The following RTN4 variants were observed in gnomAD, a reference collection of about 807,000 sequenced individuals.
RTN4 encodes reticulon-4.
A neutral mutation model predicts 90.4 loss-of-function variants in RTN4; 32 were observed. The ratio of observed to expected loss-of-function variants is 0.35; its 90% confidence interval spans 0.27 to 0.48. The LOEUF is 0.48. Ranked by LOEUF, RTN4 falls within the 20% of genes least tolerant of loss-of-function variation. RTN4 has a pLI of 0.99. For synonymous variants in RTN4, 629 were observed against 552.5 expected, an observed-to-expected ratio of 1.14 and a Z score of -1.94; for missense variants, 1,706 against 1,430.2, an observed-to-expected ratio of 1.19 and a Z score of -3.11.
chr2:54,980,827 T>G (rs1466765936), intron 5 of RTN4, among the ~76,000 whole-genome samples: 7 of 152,180 alleles, frequency 4.6e-5, no homozygotes, highest in Non-Finnish European at 8.8e-5. Context: ...CAGTACCTCC[T>G]CCTCAATCAC....
At chr2:55,087,405 A>T (rs988312666) in intron 1 of RTN4, among the ~76,000 whole-genome samples, 7 of 152,322 alleles carry the variant, frequency 4.6e-5, no homozygotes, top group Non-Finnish European at 1.0e-4. Flanking sequence ...TACTTTTACA[A>T]CATATGGATA....
At chr2:55,012,874 T>C (rs1680744330) in intron 3 of RTN4, among the ~76,000 whole-genome samples, 1 of 152,204 alleles carries the variant, frequency 6.6e-6, no homozygotes. Flanking sequence ...GCATAGTTTA[T>C]AGGTCCTATT....
At chr2:55,080,948 A>T (rs534245864) in intron 1 of RTN4, among the ~76,000 whole-genome samples, 5 of 152,314 alleles carry the variant, frequency 3.3e-5, no homozygotes, top group Non-Finnish European at 5.9e-5. Flanking sequence ...AAGGAAAAAA[A>T]TTCTTTTGGA....
chr2:55,062,798 G>A (rs970447554), intron 2 of RTN4, among the ~76,000 whole-genome samples: 18 of 152,232 alleles, frequency 1.2e-4, no homozygotes, highest in African/African-American at 4.1e-4. Context: ...CCATCTACCT[G>A]GTCATTTTAA....
At chr2:55,070,677 A>T (rs984721729) in intron 2 of RTN4, among the ~76,000 whole-genome samples, 6 of 152,106 alleles carry the variant, frequency 3.9e-5, no homozygotes, top group African/African-American at 1.4e-4. Context: ...TTGGTTAAAA[A>T]TCACCGGTCT....
In RTN4 at chr2:55,056,816, G is replaced by A. The variant is rs187755287; in HGVS notation, c.-63+23673C>T. Among the ~76,000 whole-genome samples the A allele has an allele frequency of 2.3e-3, 347 of 152,290 alleles. 6 individuals carry two copies. Among genetic ancestry groups the A allele is most frequent in the South Asian group, 0.018 (89 of 4,822 alleles). ...CATCACAACTCAGGATGCCCACTCTGTTTATTAAAGCAGAGTAAAAAACAC... is the reference window on the plus strand; with the variant it reads ...CATCACAACTCAGGATGCCCACTCTATTTATTAAAGCAGAGTAAAAAACAC... On this transcript the variant is annotated intron_variant, in intron 2 of 3. Transcript: ENST00000427710.
chr2:55,062,458 C>T (rs867115652), intron 2 of RTN4, among the ~76,000 whole-genome samples: 1 of 152,192 alleles, frequency 6.6e-6, no homozygotes, highest in Non-Finnish European at 1.5e-5. Context: ...TCTGTGTGCT[C>T]CCCTAGAGGT....
At position 55,025,756 on chromosome 2, in the gene RTN4, T is replaced by C; in HGVS notation, c.2343A>G (p.Glu781=). Residue 781 remains glutamate (E), a synonymous_variant, in exon 3 of 9, where the codon GAA becomes GAG. Transcript: ENST00000337526. ...CACTGAGTTTTTCCTTATTTTCATA[T>C]TCTATCATTGACTCAAATGAAGTCT... The part of the protein sequence containing the change: ...LTETSFESMI[E]YENKEKLSAL... 1 of 1,613,496 alleles carries C rather than the reference T, an allele frequency of 6.2e-7. No homozygotes were observed. Among genetic ancestry groups the C allele is most frequent in the Non-Finnish European group, 8.5e-7 (1 of 1,179,756 alleles).
chr2:55,032,280 C>T (rs1040392416), intron 1 of RTN4, among the ~76,000 whole-genome samples: 3 of 151,952 alleles, frequency 2.0e-5, no homozygotes, highest in Non-Finnish European at 4.4e-5. Context: ...GGGTTCACTA[C>T]GTTGGCCAAG....
At chr2:55,051,781 C>G (rs1314897732), upstream of RTN4, among the ~76,000 whole-genome samples, 1 of 152,184 alleles carries the variant, frequency 6.6e-6, no homozygotes, top group Non-Finnish European at 1.5e-5. Context: ...TGTAAAATAT[C>G]TCAGCTTTCC....
intron 1 of RTN4, chr2:55,049,190 CAGG>C (rs1667950148): frequency 2.0e-6 from 2 of 986,430 alleles, no homozygotes; most frequent in Non-Finnish European, 2.4e-6. Context: ...CCCACGAGCA[CAGG>C]AGGAGGGGGA....
At chr2:55,106,103 T>C (rs1667939037) in intron 1 of RTN4, among the ~76,000 whole-genome samples, 1 of 152,188 alleles carries the variant, frequency 6.6e-6, no homozygotes, top group Admixed American at 6.5e-5. Flanking sequence ...TGGGGGGTTG[T>C]ACTTTTTAAT....
intron 5 of RTN4, among the ~76,000 whole-genome samples, chr2:54,981,281 T>G (rs1678103177): frequency 6.7e-6 from 1 of 149,904 alleles, no homozygotes; most frequent in Admixed American, 6.6e-5. Flanking sequence ...TAAAATGTTT[T>G]TGTTTTTTTT....
chr2:55,048,045 A>G (rs1667867114), intron 1 of RTN4, among the ~76,000 whole-genome samples: 1 of 152,248 alleles, frequency 6.6e-6, no homozygotes, highest in Non-Finnish European at 1.5e-5. Flanking sequence ...ACCTATATGT[A>G]GGCTATATGG....
chr2:55,093,538 G>T (rs1335522753), intron 1 of RTN4, among the ~76,000 whole-genome samples: 3 of 152,022 alleles, frequency 2.0e-5, no homozygotes, highest in South Asian at 4.1e-4. Context: ...AAGTGATTCC[G>T]CAGCATAGCT....
At chr2:55,021,265 G>GT (rs1681410053) in intron 3 of RTN4, among the ~76,000 whole-genome samples, 1 of 151,972 alleles carries the variant, frequency 6.6e-6, no homozygotes, top group African/African-American at 2.4e-5. Context: ...AGATACACAG[G>GT]TAAGTACCTA....
intron 3 of RTN4, among the ~76,000 whole-genome samples, chr2:55,008,495 C>A (rs370195412): frequency 7.9e-5 from 12 of 152,080 alleles, no homozygotes; most frequent in African/African-American, 2.9e-4. Context: ...CTCAGAAAAA[C>A]AGGCAAAGTT....
At chr2:55,113,046 G>T (rs114861220), upstream of RTN4, among the ~76,000 whole-genome samples, 139 of 152,290 alleles carry the variant, frequency 9.1e-4, no homozygotes, top group African/African-American at 3.1e-3. Context: ...TAGATAGAAG[G>T]CCCTGGCCAC....
intron 3 of RTN4, among the ~76,000 whole-genome samples, chr2:55,003,205 T>C (rs970903413): frequency 1.3e-5 from 2 of 152,224 alleles, no homozygotes; most frequent in Non-Finnish European, 2.9e-5. Context: ...ATATTTCTTC[T>C]TCCATAACCT....
Sources: gnomAD v4.1 joint callset for allele counts (sites outside exome capture counted in the v4.1 genomes callset) on GRCh38, gnomAD v4.1.1 for gene constraint, MANE v1.5 for transcripts, NCBI Gene and HGNC (gene_info 2026-07-23, HGNC 2026-07-21) for gene names.